Variants in SLC12A2 observed in about 807,000 individuals in gnomAD.
SLC12A2 encodes Na-K-2Cl cotransporter 1.
A neutral mutation model predicts 136.3 loss-of-function variants in SLC12A2; 67 were observed. That is an observed-to-expected ratio of 0.49 (90% CI 0.40 to 0.60). SLC12A2 has a LOEUF of 0.60. SLC12A2 is among the 20% of genes least tolerant of loss of function. The pLI, the probability that SLC12A2 is intolerant of heterozygous loss-of-function variation, is 0.00. For synonymous variants in SLC12A2, 619 were observed against 562.9 expected (o/e 1.10, Z -1.41); for missense variants, 1,322 against 1,534.7 (o/e 0.86, Z 2.32).
intron 1 of SLC12A2, among the ~76,000 whole-genome samples, chr5:128,102,204 A>G (rs566468445): frequency 1.3e-5 from 2 of 152,296 alleles, no homozygotes; most frequent in Admixed American, 6.5e-5. Flanking sequence ...TAATGTTATT[A>G]AAGTATTTTT....
intron 24 of SLC12A2, among the ~76,000 whole-genome samples, chr5:128,183,932 T>C (rs985511901): frequency 2.6e-5 from 4 of 152,064 alleles, no homozygotes; most frequent in Non-Finnish European, 5.9e-5. Context: ...AGATTCCTTA[T>C]CCCAAATGCT....
At chr5:128,088,567 GTGTGTGTGTTTTACTATTT>G (rs1226182772) in intron 1 of SLC12A2, among the ~76,000 whole-genome samples, 2 of 124,290 alleles carry the variant, frequency 1.6e-5, no homozygotes, top group Admixed American at 1.0e-4. Flanking sequence ...TTTGTTTTTT[GTGTGTGTGTTTTACTATTT>G]TGTGTTTTAC....
intron 22 of SLC12A2, among the ~76,000 whole-genome samples, chr5:128,180,351 A>C (rs1581141916): frequency 6.6e-6 from 1 of 152,120 alleles, no homozygotes; most frequent in Non-Finnish European, 1.5e-5. Flanking sequence ...CACAGCCACG[A>C]AAGTAACCCT....
intron 1 of SLC12A2, among the ~76,000 whole-genome samples, chr5:128,089,795 A>T (rs1191390086): frequency 1.3e-5 from 2 of 152,202 alleles, no homozygotes; most frequent in African/African-American, 4.8e-5. Flanking sequence ...ATAATTACAG[A>T]ATCTCCTCTA....
At chr5:128,092,162 C>T (rs935701972) in intron 1 of SLC12A2, among the ~76,000 whole-genome samples, 1 of 152,194 alleles carries the variant, frequency 6.6e-6, no homozygotes, top group South Asian at 2.1e-4. Context: ...ATTACTCTGT[C>T]CATACATCCC....
At chr5:128,152,927 T>G (rs1414737383) in intron 15 of SLC12A2, 122 bp downstream of exon 15, 1 of 635,486 alleles carries the variant, frequency 1.6e-6, no homozygotes. Flanking sequence ...GTTTAATTAT[T>G]CAAGAACAAA....
Position 128,174,631 on chromosome 5 carries a change from C to G in SLC12A2, c.2894C>G (p.Ser965Cys), listed in dbSNP as rs529490835. 2 of 1,605,618 alleles carry G rather than the reference C, an allele frequency of 1.2e-6. No individual in the cohort carries two copies. Among genetic ancestry groups the G allele is most frequent in the Non-Finnish European group, 1.7e-6 (2 of 1,175,936 alleles). ...EYSKKSDLDT[S>C]KPLSEKPITH... The stretch of plus-strand genomic sequence containing the variant: ...AGTAAAAAGTCCGATTTAGATACTT[C>G]CAAACCACTCAGTGAAAAACCAATT... Residue 965 changes from serine (S) to cysteine (C), a missense_variant, in exon 20 of 27, where the codon TCC becomes TGC. By Grantham distance (112) the Ser-to-Cys change is moderately radical. Around this residue, in one of 8 missense-constraint regions of SLC12A2, gnomAD observed 226 missense variants for 210.4 expected, o/e 1.07. Coordinates refer to ENST00000262461, the MANE Select transcript of SLC12A2 (RefSeq NM_001046.3).
chr5:128,180,811 C>T (rs571446375), intron 22 of SLC12A2, 72 bp from the exon 23 acceptor site: 50 of 869,876 alleles, frequency 5.7e-5, no homozygotes, highest in African/African-American at 3.7e-4. Context: ...ACATGTTTTT[C>T]GAGACTAAAT....
At chr5:128,111,814 G>A (rs72794371) in intron 1 of SLC12A2, among the ~76,000 whole-genome samples, 4,819 of 79,220 alleles carry the variant, frequency 0.061, 258 homozygotes, top group African/African-American at 0.3. Context: ...GTGTATATAC[G>A]TGTGTGTGTG....
rs769929100 is a variant in SLC12A2 at position 128,084,242 on chromosome 5, G to T, written c.288G>T (p.Ala96=). The T allele has an allele frequency of 5.1e-4, 598 of 1,176,408 alleles. 2 individuals are homozygous for T. The highest frequency in any genetic ancestry group is 2.6e-3 in the South Asian group (74 of 27,954). The allele number at this position is 1,176,408 out of a possible 1,614,324, so 72.9% of individuals were successfully genotyped here. A position where few individuals can be genotyped will look rare whatever the true frequency, so the allele number is the denominator to read the frequency against. The change falls in exon 1 of 27, where the codon GCG becomes GCT. Residue 96 remains alanine, a synonymous_variant. Transcript: ENST00000262461. The surrounding 1 kb of genome is among the most constrained non-coding windows in gnomAD (Gnocchi z 5.6). Reference sequence around the variant, plus strand: ...AGAACGCCGGGCGGGCCGCTGCTGCGGCGGCGGCGGCGGCGGCGGCAGCGG... The same window carrying T: ...AGAACGCCGGGCGGGCCGCTGCTGCTGCGGCGGCGGCGGCGGCGGCAGCGG... ...VSENAGRAAA[A]AAAAAAAAAA...
intron 19 of SLC12A2, chr5:128,171,987 C>T: frequency 3.0e-6 from 1 of 328,670 alleles, no homozygotes; most frequent in East Asian, 5.2e-5. Flanking sequence ...AAAGCATAAG[C>T]TTAAGAGAAA....
chr5:128,114,176 C>T (rs775446771), intron 2 of SLC12A2, 36 bp from the exon 3 acceptor site: 1 of 1,435,956 alleles, frequency 7.0e-7, no homozygotes, highest in East Asian at 2.3e-5. Flanking sequence ...GATTATTCTT[C>T]TTCCTCTGTG....
Position 128,151,139 on chromosome 5 carries a change from C to A in SLC12A2, c.2108-102C>A, listed in dbSNP as rs1581114894. ...TTATACTTAATGCTTAAAGTCCTCT[C>A]AGTGTGGCAACCATAAAGAATGTTA... On this transcript the variant is annotated intron_variant, in intron 13 of 26. Coordinates refer to ENST00000262461, the MANE Select transcript of SLC12A2 (RefSeq NM_001046.3). 24 of 969,134 alleles carry A rather than the reference C, an allele frequency of 2.5e-5. 1 individual carries two copies. In the East Asian group the frequency reaches 6.2e-4, roughly 25 times the overall value. The allele number at this position is 969,134 out of a possible 1,614,324, so 60.0% of individuals were successfully genotyped here.
chr5:128,101,140 G>A (rs1760726089), intron 1 of SLC12A2, among the ~76,000 whole-genome samples: 1 of 152,114 alleles, frequency 6.6e-6, no homozygotes. Flanking sequence ...TTTTGAAAGA[G>A]TAGTCTGTAT....
chr5:128,164,379 A>C (rs531122842), intron 17 of SLC12A2, among the ~76,000 whole-genome samples: 1 of 152,018 alleles, frequency 6.6e-6, no homozygotes, highest in Admixed American at 6.6e-5. Flanking sequence ...GACCATGACA[A>C]CTCTATCAGT....
At chr5:128,149,320 T>G (rs913904501) in intron 12 of SLC12A2, among the ~76,000 whole-genome samples, 1 of 151,828 alleles carries the variant, frequency 6.6e-6, no homozygotes, top group East Asian at 1.9e-4. Flanking sequence ...ACCACAAGTG[T>G]TGTGGGACTA....
chr5:128,162,392 G>T (rs1763069771), intron 17 of SLC12A2, among the ~76,000 whole-genome samples: 1 of 151,250 alleles, frequency 6.6e-6, no homozygotes, highest in Admixed American at 6.6e-5. Context: ...TTATTAACAT[G>T]AAAAAAAATA....
At chr5:128,160,010 T>C (rs1728753476) in intron 16 of SLC12A2, among the ~76,000 whole-genome samples, 1 of 152,146 alleles carries the variant, frequency 6.6e-6, no homozygotes. Context: ...AATGATAGAC[T>C]GGATAAGGAA....
chr5:128,142,133 C>T, intron 10 of SLC12A2, 152 bp downstream of exon 10: 1 of 660,184 alleles, frequency 1.5e-6, no homozygotes, highest in African/African-American at 1.9e-5. Context: ...GATAGAGTCT[C>T]ACTCTGTCGC....
Sources: allele counts gnomAD v4.1 joint callset (sites outside exome capture counted in the v4.1 genomes callset), GRCh38; gene constraint gnomAD v4.1.1; regional missense constraint gnomAD v4.1.1; non-coding constraint Gnocchi (gnomAD v3.1); transcripts MANE v1.5; gene names NCBI Gene and HGNC (gene_info 2026-07-23, HGNC 2026-07-21).